RBM20: variants seen among roughly 807,000 people sequenced by gnomAD.
RBM20 encodes the protein RNA-binding protein 20.
RBM20 carries 51 observed loss-of-function variants against 110.1 expected under a neutral mutation model. The observed-to-expected ratio is 0.46, with a 90% CI of 0.37 to 0.59. The LOEUF (loss-of-function observed/expected upper bound fraction) is 0.59, where lower values mean the gene tolerates loss of function less well. RBM20 is among the 20% of genes least tolerant of loss of function. The pLI is 0.00. For synonymous variants in RBM20, 589 were observed against 618.2 expected (o/e 0.95, Z 0.70); for missense variants, 1,512 against 1,574.9 (o/e 0.96, Z 0.68).
chr10:110,703,006 T>G (rs1277391299), intron 1 of RBM20, among the ~76,000 whole-genome samples: 2 of 151,274 alleles, frequency 1.3e-5, no homozygotes, highest in Admixed American at 6.6e-5. Flanking sequence ...TTTTTTTGTT[T>G]TTTTTTTTGG....
chr10:110,833,673 C>G (rs769699895), intron 13 of RBM20, among the ~76,000 whole-genome samples: 7 of 152,240 alleles, frequency 4.6e-5, no homozygotes, highest in African/African-American at 7.2e-5. Flanking sequence ...GTGGACTGCA[C>G]TGTGTTCTGA....
chr10:110,689,530 GTAACAGTT>G (rs369551821), intron 1 of RBM20, among the ~76,000 whole-genome samples: 75 of 152,320 alleles, frequency 4.9e-4, no homozygotes, highest in African/African-American at 1.6e-3. Flanking sequence ...GAAAATATCA[GTAACAGTT>G]TAATTGGTGT....
chr10:110,709,746 A>G (rs1314514938), intron 1 of RBM20, among the ~76,000 whole-genome samples: 1 of 150,948 alleles, frequency 6.6e-6, no homozygotes, highest in Non-Finnish European at 1.5e-5. Flanking sequence ...TGTTTTTTTA[A>G]TTTTGTAGAG....
chr10:110,787,100 A>AG (rs1844428787), intron 5 of RBM20, among the ~76,000 whole-genome samples: 1 of 152,256 alleles, frequency 6.6e-6, no homozygotes, highest in African/African-American at 2.4e-5. Context: ...TCTCCAGGCA[A>AG]GTCACTTTAC....
rs959799816 is a variant in RBM20 at position 110,797,672 on chromosome 10, A to T, written c.1668+24A>T. Reference sequence around the variant, plus strand: ...AGGTAGGTCTGGGTACTTTCACTCCAGTGTATATGCCACAGACCACACATT... The same window carrying T: ...AGGTAGGTCTGGGTACTTTCACTCCTGTGTATATGCCACAGACCACACATT... On this transcript the variant is annotated intron_variant, in intron 6 of 13. Transcript: ENST00000369519. 5 of 1,549,552 alleles carry T rather than the reference A, an allele frequency of 3.2e-6. No individual in the cohort carries two copies. In the South Asian group the frequency reaches 6.0e-5, roughly 18 times the overall value.
At chr10:110,706,543 C>T (rs1371883609) in intron 1 of RBM20, among the ~76,000 whole-genome samples, 1 of 152,178 alleles carries the variant, frequency 6.6e-6, no homozygotes, top group Non-Finnish European at 1.5e-5. Flanking sequence ...ACATTGAACT[C>T]CAAAGGAAGC....
intron 7 of RBM20, among the ~76,000 whole-genome samples, chr10:110,803,753 A>C (rs1052645706): frequency 2.5e-4 from 35 of 141,972 alleles, no homozygotes; most frequent in African/African-American, 8.9e-4. Context: ...GATATGAATC[A>C]GCTGCCACTC....
intron 1 of RBM20, among the ~76,000 whole-genome samples, chr10:110,754,948 C>G (rs1452945003): frequency 1.3e-5 from 2 of 152,100 alleles, no homozygotes; most frequent in Non-Finnish European, 2.9e-5. Flanking sequence ...GTGGAGATCC[C>G]CTGAGGCTTA....
Position 110,703,387 on chromosome 10 carries a change from A to G in RBM20, c.191+58742A>G, listed in dbSNP as rs140868425. ...CGGTGAAACTCTGTCTCAAAAAAAA[A>G]AAAGAAAGAAAGAAAGAAAGAATTT... On this transcript the variant is annotated intron_variant, in intron 1 of 13. Transcript: ENST00000369519. Among the ~76,000 whole-genome samples, 875 of 151,784 alleles carry G rather than the reference A, an allele frequency of 5.8e-3. 5 individuals carry two copies. The highest frequency in any genetic ancestry group is 0.018 in the African/African-American group (762 of 41,430).
chr10:110,807,827 G>A (rs1240258211), intron 7 of RBM20, among the ~76,000 whole-genome samples: 1 of 152,226 alleles, frequency 6.6e-6, no homozygotes, highest in East Asian at 1.9e-4. Context: ...TTTATGTTCT[G>A]AAGAATTGCC....
chr10:110,756,141 C>G (rs1843918013), intron 1 of RBM20, among the ~76,000 whole-genome samples: 1 of 152,226 alleles, frequency 6.6e-6, no homozygotes, highest in South Asian at 2.1e-4. Flanking sequence ...CCCTCAACAT[C>G]ACGATTTAGC....
At chr10:110,681,044 T>A (rs1197526512) in intron 1 of RBM20, among the ~76,000 whole-genome samples, 1 of 152,244 alleles carries the variant, frequency 6.6e-6, no homozygotes, top group African/African-American at 2.4e-5. Context: ...TAGGGGGCAC[T>A]TGCTTGATAG....
At chr10:110,690,509 A>C (rs550151709) in intron 1 of RBM20, among the ~76,000 whole-genome samples, 1 of 152,200 alleles carries the variant, frequency 6.6e-6, no homozygotes, top group South Asian at 2.1e-4. Flanking sequence ...TCATCACCCA[A>C]ACAGAAACTC....
chr10:110,818,312 A>AAAAAAAAC (rs1430917134), intron 9 of RBM20, among the ~76,000 whole-genome samples: 2 of 146,368 alleles, frequency 1.4e-5, no homozygotes, highest in South Asian at 2.4e-4. Context: ...AAAAAACCAA[A>AAAAAAAAC]ACGACAATAT....
At chr10:110,774,170 T>C (rs1028988346) in intron 1 of RBM20, among the ~76,000 whole-genome samples, 2 of 152,230 alleles carry the variant, frequency 1.3e-5, no homozygotes, top group Non-Finnish European at 2.9e-5. Flanking sequence ...CATATTTGAC[T>C]TAGCTGTCCA....
intron 1 of RBM20, chr10:110,756,405 A>G (rs971613189): frequency 1.3e-5 from 2 of 152,222 alleles, no homozygotes; most frequent in Non-Finnish European, 2.9e-5. Context: ...CAGAGAACAC[A>G]AGTATGCCCA....
At chr10:110,756,723 T>G (rs1330626653) in intron 1 of RBM20, 1 of 152,270 alleles carries the variant, frequency 6.6e-6, no homozygotes, top group Non-Finnish European at 1.5e-5. Context: ...TCTTTCTGGC[T>G]GTCACCAGGT....
At chr10:110,702,770 TACTC>T (rs1862778448) in intron 1 of RBM20, among the ~76,000 whole-genome samples, 2 of 152,204 alleles carry the variant, frequency 1.3e-5, no homozygotes, top group African/African-American at 2.4e-5. Context: ...TCCACCCACT[TACTC>T]ACTGTGTGCC....
At position 110,806,188 on chromosome 10, in the gene RBM20, A is replaced by G. The variant is rs531349075; in HGVS notation, c.1801-4195A>G. Among the ~76,000 whole-genome samples the G allele has an allele frequency of 1.9e-3, 284 of 152,146 alleles. 1 individual carries two copies. In the Middle Eastern group the frequency reaches 0.031, roughly 16 times the overall value. ...GAAGCTGAGGCAGGAGAATCGCTTG[A>G]ACCCAGAAGGCAGAGGTTGCAGTGA... On this transcript the variant is annotated intron_variant, in intron 7 of 13. Transcript: ENST00000369519.
Sources: allele counts gnomAD v4.1 joint callset (sites outside exome capture counted in the v4.1 genomes callset), GRCh38; gene constraint gnomAD v4.1.1; transcripts MANE v1.5; gene names NCBI Gene and HGNC (gene_info 2026-07-23, HGNC 2026-07-21).